Variants in PCDHGA7 observed in about 807,000 individuals in gnomAD.
The protein encoded by PCDHGA7 is protocadherin gamma-A7.
PCDHGA7 carries 44 observed loss-of-function variants against 58.3 expected under a neutral mutation model. The observed-to-expected ratio is 0.75, with a 90% CI of 0.59 to 0.97. The LOEUF (loss-of-function observed/expected upper bound fraction) is 0.97, where lower values mean the gene tolerates loss of function less well. Among genes scored for constraint, PCDHGA7 ranks in the 50% least tolerant of loss-of-function variants. The pLI is 0.00. For missense variants in PCDHGA7, 1,266 were observed against 1,188.7 expected (o/e 1.06, Z -0.96); for synonymous variants, 516 against 504.2 (o/e 1.02, Z -0.31).
intron 1 of PCDHGA7, among the ~76,000 whole-genome samples, chr5:141,455,904 TTTATTTA>T: frequency 6.8e-6 from 1 of 147,982 alleles, no homozygotes. Flanking sequence ...TATTTATTTA[TTTATTTA>T]TTTTGAGACG....
At chr5:141,463,418 C>A (rs1442067485) in intron 1 of PCDHGA7, among the ~76,000 whole-genome samples, 3 of 138,240 alleles carry the variant, frequency 2.2e-5, no homozygotes, top group Admixed American at 7.4e-5. Context: ...TCCTAGTTTG[C>A]GGATCCTCAT....
chr5:141,480,152 C>G (rs2099513323), intron 1 of PCDHGA7, among the ~76,000 whole-genome samples: 1 of 151,928 alleles, frequency 6.6e-6, no homozygotes, highest in African/African-American at 2.4e-5. Context: ...TAGCCAGCTC[C>G]TAGCATTTTG....
At chr5:141,440,779 GC>G (rs2154559027) in intron 1 of PCDHGA7, 1 of 152,294 alleles carries the variant, frequency 6.6e-6, no homozygotes, top group Admixed American at 6.5e-5. Flanking sequence ...AGTGCTAGCA[GC>G]CTTAGACGGC....
In PCDHGA7 at chr5:141,384,156, C is replaced by A. The variant is rs760709557; in HGVS notation, c.1257C>A (p.Asn419Lys). The A allele has an allele frequency of 1.9e-6, 3 of 1,613,342 alleles. No individual in the cohort carries two copies. In the African/African-American group the frequency reaches 4.0e-5, roughly 22 times the overall value. Residue 419 changes from asparagine to lysine, a missense_variant, in exon 1 of 4, where the codon AAC (asparagine) becomes AAA (lysine). Transcript: ENST00000518325. ...ACCGGGAAACACTCTCTTTGTATAACATCACACTGAAAGCCACAGATGGTG... is the reference window on the plus strand; with the variant it reads ...ACCGGGAAACACTCTCTTTGTATAAAATCACACTGAAAGCCACAGATGGTG... ...NLDRETLSLYNITLKATDGGT... is the reference protein window; with the variant it reads ...NLDRETLSLYKITLKATDGGT...
intron 1 of PCDHGA7, among the ~76,000 whole-genome samples, chr5:141,450,830 T>A (rs923422605): frequency 3.0e-5 from 3 of 101,548 alleles, no homozygotes; most frequent in African/African-American, 1.3e-4. Context: ...ATTATTATTA[T>A]TTTTTTTTTT....
At chr5:141,474,215 A>G (rs1393533136) in intron 1 of PCDHGA7, among the ~76,000 whole-genome samples, 1 of 152,216 alleles carries the variant, frequency 6.6e-6, no homozygotes, top group East Asian at 1.9e-4. Context: ...CAAAAACCAG[A>G]TTGTGAATTA....
chr5:141,510,526 A>T (rs1164238062), intron 3 of PCDHGA7, among the ~76,000 whole-genome samples: 1 of 152,156 alleles, frequency 6.6e-6, no homozygotes, highest in East Asian at 1.9e-4. Flanking sequence ...CAGCCCTGAG[A>T]GAAATACCAG....
At chr5:141,400,227 C>A (rs760084071) in intron 1 of PCDHGA7, 2 of 1,614,052 alleles carry the variant, frequency 1.2e-6, no homozygotes, top group Non-Finnish European at 1.7e-6. Flanking sequence ...TGCTCTTCCT[C>A]CTGGCCGTGA....
intron 1 of PCDHGA7, chr5:141,388,159 G>A (rs1420782628): frequency 6.8e-7 from 1 of 1,473,814 alleles, no homozygotes; most frequent in African/African-American, 1.4e-5. Context: ...AGGCTAGACA[G>A]GGAGGAGATA....
intron 1 of PCDHGA7, chr5:141,403,427 G>T: frequency 6.2e-7 from 1 of 1,614,026 alleles, no homozygotes; most frequent in Non-Finnish European, 8.5e-7. Context: ...AGAAGCTATT[G>T]ATCCGGATGT....
In PCDHGA7 at chr5:141,410,160, C is replaced by T. The variant is rs767993789; in HGVS notation, c.2424+24837C>T. ...GCTGTGCGTGACGGTGGACAGCCGC[C>T]ACTCTCTGCCACCGCCACGCTTCAT... On this transcript the variant is annotated intron_variant, in intron 1 of 3. Transcript: ENST00000518325. 100 of 1,613,580 alleles carry T rather than the reference C, an allele frequency of 6.2e-5. No individual in the cohort carries two copies. In the Middle Eastern group the frequency reaches 2.1e-3, roughly 34 times the overall value.
At chr5:141,396,952 A>G (rs2093458879) in intron 1 of PCDHGA7, among the ~76,000 whole-genome samples, 1 of 152,196 alleles carries the variant, frequency 6.6e-6, no homozygotes, top group African/African-American at 2.4e-5. Context: ...AGGAAAGAAA[A>G]TCCTTACTCT....
At chr5:141,464,408 T>C (rs2154568477) in intron 1 of PCDHGA7, among the ~76,000 whole-genome samples, 1 of 151,718 alleles carries the variant, frequency 6.6e-6, no homozygotes, top group African/African-American at 2.4e-5. Flanking sequence ...CTGAGATATA[T>C]ATATATCTAT....
intron 1 of PCDHGA7, chr5:141,441,752 C>A (rs1043293959): frequency 5.3e-6 from 2 of 377,970 alleles, no homozygotes; most frequent in Non-Finnish European, 5.3e-6. Flanking sequence ...TCGGCGTCAA[C>A]GTGAGCCTGC....
At chr5:141,448,692 G>A (rs913533738) in intron 1 of PCDHGA7, among the ~76,000 whole-genome samples, 6 of 152,072 alleles carry the variant, frequency 3.9e-5, no homozygotes, top group African/African-American at 9.7e-5. Context: ...TGTAATCGCA[G>A]CACTTTGGGA....
chr5:141,482,363 G>C (rs2099556985), intron 1 of PCDHGA7, among the ~76,000 whole-genome samples: 1 of 152,086 alleles, frequency 6.6e-6, no homozygotes, highest in African/African-American at 2.4e-5. Flanking sequence ...AGAGTGAAAA[G>C]TAATGCATAT....
intron 1 of PCDHGA7, among the ~76,000 whole-genome samples, chr5:141,450,162 A>T (rs2098671900): frequency 6.6e-6 from 1 of 151,624 alleles, no homozygotes; most frequent in Admixed American, 6.6e-5. Flanking sequence ...ATGTGCCACC[A>T]CACTCCCACC....
Position 141,382,969 on chromosome 5 carries a change from T to G in PCDHGA7, c.70T>G (p.Trp24Gly). 2 of 1,609,418 alleles carry G rather than the reference T, an allele frequency of 1.2e-6. No individual in the cohort carries two copies. The highest frequency in any genetic ancestry group is 8.5e-7 in the Non-Finnish European group (1 of 1,176,700). ...GCTCTCCATCCTCCTGGGGACCCCC[T>G]GGGAAGCCTGGGCAGGACGTATTCT... ...FLLSILLGTPWEAWAGRILYS... is the reference protein window; with the variant it reads ...FLLSILLGTPGEAWAGRILYS... Residue 24 changes from tryptophan (W) to glycine (G), a missense_variant, in exon 1 of 4, where the codon TGG becomes GGG. Trp to Gly is a radical substitution (Grantham distance 184). Coordinates refer to ENST00000518325, the MANE Select transcript of PCDHGA7 (RefSeq NM_018920.4).
intron 1 of PCDHGA7, among the ~76,000 whole-genome samples, chr5:141,482,052 T>G (rs2099551017): frequency 6.7e-6 from 1 of 150,154 alleles, no homozygotes; most frequent in Non-Finnish European, 1.5e-5. Flanking sequence ...GCTGTTGCAT[T>G]CCAGCCTGGG....
Sources: allele counts gnomAD v4.1 joint callset (sites outside exome capture counted in the v4.1 genomes callset), GRCh38; gene constraint gnomAD v4.1.1; transcripts MANE v1.5; gene names NCBI Gene and HGNC (gene_info 2026-07-23, HGNC 2026-07-21).